The following HEPH variants were observed in gnomAD, a reference collection of about 807,000 sequenced individuals.
The protein encoded by HEPH is hephaestin.
HEPH carries 69 observed loss-of-function variants against 80.8 expected under a neutral mutation model. The observed-to-expected ratio is 0.85, with a 90% CI of 0.70 to 1.04. HEPH has a LOEUF of 1.04. HEPH is among the 50% of genes least tolerant of loss of function. The pLI is 0.00. For synonymous variants in HEPH, 431 were observed against 322.8 expected (o/e 1.34, Z -3.60); for missense variants, 1,115 against 891.3 (o/e 1.25, Z -3.20).
In HEPH at chrX:66,195,113, C is replaced by A. The variant is rs2147743486; in HGVS notation, c.1385C>A (p.Ala462Asp). Residue 462 changes from alanine (A) to aspartate (D), a missense_variant, in exon 9 of 21, where the codon GCT becomes GAT. Coordinates refer to ENST00000343002, the MANE Select transcript of HEPH (RefSeq NM_001367233.3). ...HLGILGPVIR[A>D]EVGDTIQVVF... ...CATTTTCCAGGGCCAGTGATCCGGG[C>A]TGAGGTGGGTGACACCATTCAGGTG... The A allele has an allele frequency of 8.4e-7, 1 of 1,193,483 alleles. No individual in the cohort carries two copies. Among genetic ancestry groups the A allele is most frequent in the Non-Finnish European group, 1.1e-6 (1 of 886,761 alleles).
At chrX:66,201,151 T>C (rs1422737257) in intron 12 of HEPH, among the ~76,000 whole-genome samples, 5 of 110,881 alleles carry the variant, frequency 4.5e-5, no homozygotes, top group Admixed American at 2.9e-4. Flanking sequence ...TCTGTGAGGC[T>C]TTCTACAGAC....
intron 15 of HEPH, among the ~76,000 whole-genome samples, chrX:66,211,572 A>G (rs2089122104): frequency 9.0e-6 from 1 of 111,530 alleles, no homozygotes; most frequent in African/African-American, 3.3e-5. Context: ...GCTCCTGCAT[A>G]TAAGTGAGAA....
intron 11 of HEPH, among the ~76,000 whole-genome samples, chrX:66,200,241 G>GGGGTGTGT (rs2088355232): frequency 1.1e-5 from 1 of 91,231 alleles, no homozygotes; most frequent in South Asian, 4.8e-4. Context: ...AGGAGAGATT[G>GGGGTGTGT]GTGTGTGTGT....
chrX:66,255,854 G>A (rs768935685), intron 16 of HEPH, among the ~76,000 whole-genome samples: 94 of 111,938 alleles, frequency 8.4e-4, no homozygotes, highest in Middle Eastern at 4.6e-3. Flanking sequence ...AAAAATGCTT[G>A]GTAGGCTAAG....
chrX:66,217,440 G>A (rs773627109), intron 15 of HEPH, among the ~76,000 whole-genome samples: 1 of 111,312 alleles, frequency 9.0e-6, no homozygotes, highest in Non-Finnish European at 1.9e-5. Context: ...ACTAAGCTTC[G>A]TAAATGAAGG....
chrX:66,208,371 C>A, intron 15 of HEPH, 125 bp downstream of exon 15: 1 of 688,357 alleles, frequency 1.5e-6, no homozygotes. Context: ...GTAATCCCAG[C>A]AGTTTGAGAG....
Position 66,180,058 on chromosome X carries a change from A to G in HEPH, c.625+6257A>G, listed in dbSNP as rs190437657. Reference sequence around the variant, plus strand: ...CATTTTTGTATTTTTTAAGTGGGGCATTTAGGCCATTTACATTCAATGTTA... The same window carrying G: ...CATTTTTGTATTTTTTAAGTGGGGCGTTTAGGCCATTTACATTCAATGTTA... On this transcript the variant is annotated intron_variant, in intron 4 of 20. Transcript: ENST00000343002. 1.8e-3 allele frequency among the ~76,000 whole-genome samples: 205 copies of G among 111,143 alleles called. 1 individual carries two copies. Among genetic ancestry groups the G allele is most frequent in the African/African-American group, 6.3e-3 (193 of 30,629 alleles).
intron 10 of HEPH, among the ~76,000 whole-genome samples, chrX:66,198,163 C>G (rs2088210409): frequency 9.4e-6 from 1 of 106,613 alleles, no homozygotes; most frequent in Admixed American, 1.0e-4. Flanking sequence ...TCCCTCCCTC[C>G]CTCTCTCTCC....
chrX:66,175,291 T>A (rs2086752798), intron 4 of HEPH, among the ~76,000 whole-genome samples: 1 of 111,878 alleles, frequency 8.9e-6, no homozygotes, highest in Admixed American at 9.5e-5. Context: ...ATGTTTTTGT[T>A]TGATTTGTCA....
At chrX:66,220,807 A>T (rs942401568) in intron 15 of HEPH, among the ~76,000 whole-genome samples, 1 of 111,271 alleles carries the variant, frequency 9.0e-6, no homozygotes, top group African/African-American at 3.3e-5. Context: ...ATCTTACTTC[A>T]AAAACTGTGG....
intron 15 of HEPH, among the ~76,000 whole-genome samples, chrX:66,250,515 G>A (rs989291354): frequency 9.0e-6 from 1 of 110,661 alleles, no homozygotes; most frequent in African/African-American, 3.3e-5. Flanking sequence ...TGCTATCCCC[G>A]CCCTCTTTGA....
intron 1 of HEPH, among the ~76,000 whole-genome samples, chrX:66,166,281 C>T (rs990037525): frequency 2.7e-5 from 3 of 111,524 alleles, no homozygotes; most frequent in African/African-American, 9.8e-5. Context: ...ACAACCTCCG[C>T]CTCCCAGGTT....
intron 15 of HEPH, among the ~76,000 whole-genome samples, chrX:66,222,216 G>A (rs987816243): frequency 8.8e-6 from 1 of 113,032 alleles, no homozygotes; most frequent in Admixed American, 9.3e-5. Flanking sequence ...GTTGGGAGAC[G>A]GAGGTTGGAT....
intron 15 of HEPH, among the ~76,000 whole-genome samples, chrX:66,241,858 A>G (rs1191808409): frequency 9.0e-6 from 1 of 111,404 alleles, no homozygotes; most frequent in East Asian, 2.8e-4. Context: ...ACTCAAAGAA[A>G]TCAGAGATGA....
chrX:66,179,936 C>G (rs1038109217), intron 4 of HEPH, among the ~76,000 whole-genome samples: 2 of 111,152 alleles, frequency 1.8e-5, no homozygotes, highest in African/African-American at 6.5e-5. Flanking sequence ...GCACGAAATG[C>G]CTATTTCCAC....
chrX:66,219,781 A>G (rs980635782), intron 15 of HEPH, among the ~76,000 whole-genome samples: 5 of 111,618 alleles, frequency 4.5e-5, no homozygotes, highest in African/African-American at 6.5e-5. Flanking sequence ...AATAGTGCCA[A>G]TAACACAACT....
At chrX:66,170,353 A>G in intron 1 of HEPH, 2 of 377,798 alleles carry the variant, frequency 5.3e-6, no homozygotes, top group African/African-American at 2.5e-5. Context: ...AGCACGGGTG[A>G]CTTTTTAACT....
intron 15 of HEPH, among the ~76,000 whole-genome samples, chrX:66,224,018 G>A (rs906974237): frequency 7.3e-5 from 8 of 109,469 alleles, no homozygotes; most frequent in Non-Finnish European, 1.5e-4. Flanking sequence ...ACCAGTTAAT[G>A]TATTTCAGGA....
Position 66,250,152 on chromosome X carries a change from TC to T in HEPH, c.2564-4881del, listed in dbSNP as rs747445965. 2.1e-4 allele frequency among the ~76,000 whole-genome samples: 23 copies of T among 111,571 alleles called. No individual in the cohort carries two copies. The East Asian group carries it at 5.9e-3, about 29-fold the overall frequency. On this transcript the variant is annotated intron_variant, in intron 15 of 20. Transcript: ENST00000343002. ...TTTGTTGGTTTACTTGTATGTTGTT[TC>T]CTCTCCTGACTAGATTCTAAGAGGA...
Sources: gnomAD v4.1 joint callset for allele counts (sites outside exome capture counted in the v4.1 genomes callset) on GRCh38, gnomAD v4.1.1 for gene constraint, MANE v1.5 for transcripts, NCBI Gene and HGNC (gene_info 2026-07-23, HGNC 2026-07-21) for gene names.